The following EXD3 variants were observed in gnomAD, a reference collection of about 807,000 sequenced individuals.
EXD3 encodes exonuclease 3'-5' domain containing 3.
In EXD3, 92 loss-of-function variants were observed where a neutral mutation model predicts 98.0. The observed-to-expected ratio is 0.94, with a 90% CI of 0.79 to 1.12. The LOEUF (loss-of-function observed/expected upper bound fraction) is 1.12, where lower values mean the gene tolerates loss of function less well. Ranked by LOEUF, EXD3 falls within the 50% of genes most tolerant of loss-of-function variation. The pLI is 0.00. For missense variants in EXD3, 1,222 were observed against 1,191.6 expected, an observed-to-expected ratio of 1.03 and a Z score of -0.38; for synonymous variants, 569 against 526.0, an observed-to-expected ratio of 1.08 and a Z score of -1.12.
intron 10 of EXD3, chr9:137,353,452 G>A: frequency 1.0e-6 from 1 of 985,330 alleles, no homozygotes; most frequent in South Asian, 4.7e-5. Context: ...TCCTCATTAT[G>A]TGGGGTTTGG....
At chr9:137,345,340 C>T (rs1157267638) in intron 17 of EXD3, among the ~76,000 whole-genome samples, 2 of 152,152 alleles carry the variant, frequency 1.3e-5, no homozygotes, top group African/African-American at 4.8e-5. Context: ...ACTCATTTCT[C>T]CAGGAGTCTT....
At chr9:137,414,880 T>C (rs918506754) in intron 1 of EXD3, among the ~76,000 whole-genome samples, 4 of 152,174 alleles carry the variant, frequency 2.6e-5, no homozygotes, top group Admixed American at 2.0e-4. Context: ...GTTTTTGAGA[T>C]GGAGTCTCGC....
Position 137,349,250 on chromosome 9 carries a change from G to C in EXD3, c.1690C>G (p.Gln564Glu), listed in dbSNP as rs745514907. 1.2e-5 allele frequency: 19 copies of C among 1,573,572 alleles called. No homozygotes were observed. In the East Asian group the frequency reaches 4.4e-4, roughly 36 times the overall value. The change falls in exon 16 of 22, where the codon CAA becomes GAA. Residue 564 changes from glutamine to glutamate, a missense_variant. Transcript: ENST00000340951. This position sits in a 1 kb window ranked among gnomAD's most constrained non-coding sequence, Gnocchi z 7.4. ...ADAYCLLEVH[Q>E]ALCREPARFH... ...CGGGCGGGCTCTCTGCACAGGGCTT[G>C]GTGCACCTCCAGCAGGCAGTAGGCG...
chr9:137,355,694 G>GAGAA (rs1834723403), intron 8 of EXD3, among the ~76,000 whole-genome samples: 2 of 42,642 alleles, frequency 4.7e-5, no homozygotes, highest in Non-Finnish European at 1.1e-4. Context: ...AAGGAGAAAG[G>GAGAA]GAGGAAGGAG....
intron 10 of EXD3, chr9:137,353,220 C>T: frequency 2.0e-6 from 2 of 983,940 alleles, no homozygotes; most frequent in Non-Finnish European, 1.2e-6. Flanking sequence ...CAAGCCTCCA[C>T]TGACCTTTCC....
intron 1 of EXD3, among the ~76,000 whole-genome samples, chr9:137,413,978 GCC>G (rs1588442886): frequency 6.8e-6 from 1 of 148,014 alleles, no homozygotes; most frequent in East Asian, 2.0e-4. Flanking sequence ...GTGCAGTGGT[GCC>G]ATCTCGGCTC....
intron 19 of EXD3, among the ~76,000 whole-genome samples, chr9:137,317,323 C>T (rs771051091): frequency 3.2e-4 from 48 of 152,174 alleles, no homozygotes; most frequent in Non-Finnish European, 5.9e-4. Context: ...TGGCCATGGC[C>T]GGTCCCTCCT....
chr9:137,399,910 C>T (rs747748287), intron 1 of EXD3, among the ~76,000 whole-genome samples: 26 of 151,928 alleles, frequency 1.7e-4, no homozygotes, highest in Non-Finnish European at 3.2e-4. Context: ...GGTGGTGGTG[C>T]CTCCCAGGTA....
In EXD3 at chr9:137,397,570, CAG is replaced by C. The variant is rs542012173; in HGVS notation, c.-47-2168_-47-2167del. 4.6e-5 allele frequency among the ~76,000 whole-genome samples: 7 copies of C among 152,250 alleles called. No homozygotes were observed. The South Asian group carries it at 1.5e-3, about 32-fold the overall frequency. ...TAAACAAGTGGAAAAACACAAAAAA[CAG>C]AGAACAGAAAGCAACTTCGAGGAAG... is the stretch of plus-strand genomic sequence containing the variant. On this transcript the variant is annotated intron_variant, in intron 1 of 21. Transcript: ENST00000340951.
Position 137,351,110 on chromosome 9 carries a change from C to G in EXD3, c.1422G>C (p.Thr474=). Reference sequence around the variant, plus strand: ...CCACATGGGCCAGGGCGGGGCAGGACGTGCCCAGTTTTTGCAGGTCCCCCA... The same window carrying G: ...CCACATGGGCCAGGGCGGGGCAGGAGGTGCCCAGTTTTTGCAGGTCCCCCA... ...GMVGDLQKLG[T]SCPALAHVEK... is the part of the protein sequence containing the mutation. The change falls in exon 14 of 22, where the codon ACG becomes ACC. Residue 474 remains threonine, a synonymous_variant. Transcript: ENST00000340951. 6.3e-7 allele frequency: 1 copy of G among 1,584,046 alleles called. No homozygotes were observed. The highest frequency in any genetic ancestry group is 1.2e-5 in the South Asian group (1 of 86,652).
At position 137,306,903 on chromosome 9, in the gene EXD3, AT is replaced by A; in HGVS notation, c.*46del. ...GAAACATGTGAGCCAGTCCACGGCCATGGGCCCAGCAGTCGGGCACTTTCCA... is the reference window on the plus strand; with the variant it reads ...GAAACATGTGAGCCAGTCCACGGCCAGGGCCCAGCAGTCGGGCACTTTCCA... On this transcript the variant is annotated 3_prime_UTR_variant, in exon 22 of 22. Coordinates refer to ENST00000340951, the MANE Select transcript of EXD3 (RefSeq NM_017820.5). 1 of 1,513,762 alleles carries A rather than the reference AT, an allele frequency of 6.6e-7. No individual in the cohort carries two copies. The highest frequency in any genetic ancestry group is 8.8e-7 in the Non-Finnish European group (1 of 1,132,318). The allele number at this position is 1,513,762 out of a possible 1,614,324, so 93.8% of individuals were successfully genotyped here.
Position 137,403,269 on chromosome 9 carries a change from AG to A in EXD3, c.-47-7866del, listed in dbSNP as rs898206643. On this transcript the variant is annotated intron_variant, in intron 1 of 21. Coordinates refer to ENST00000340951, the MANE Select transcript of EXD3 (RefSeq NM_017820.5). This position sits in a 1 kb window ranked among gnomAD's most constrained non-coding sequence, Gnocchi z 6.1. ...GTGGGGCCCCACTGTGAGTGACCTG[AG>A]GGGCCCCAGAAGATGCAGACCCGAA... Among the ~76,000 whole-genome samples, 4 of 151,894 alleles carry A rather than the reference AG, an allele frequency of 2.6e-5. No individual in the cohort carries two copies. The highest frequency in any genetic ancestry group is 9.7e-5 in the African/African-American group (4 of 41,404).
intron 7 of EXD3, 37 bp from the exon 8 acceptor site, chr9:137,356,405 T>C (rs1330044665): frequency 3.8e-6 from 5 of 1,301,108 alleles, no homozygotes; most frequent in Non-Finnish European, 5.4e-6. Context: ...TGTTGCTGTT[T>C]TAAGTTAATA....
intron 1 of EXD3, among the ~76,000 whole-genome samples, chr9:137,411,137 G>A (rs1008550757): frequency 2.6e-5 from 4 of 152,214 alleles, no homozygotes; most frequent in East Asian, 1.9e-4. Flanking sequence ...CTGAGGCCCC[G>A]AGGCCGGCCC....
At chr9:137,308,380 TCTGGCCCCTCCCTGG>T (rs1448688584) in intron 20 of EXD3, among the ~76,000 whole-genome samples, 2 of 152,108 alleles carry the variant, frequency 1.3e-5, no homozygotes, top group African/African-American at 4.8e-5. Flanking sequence ...ATGACCCTCA[TCTGGCCCCTCCCTGG>T]CTGGCCCCAG....
chr9:137,335,279 G>A (rs1001014602), intron 17 of EXD3, among the ~76,000 whole-genome samples: 56 of 152,070 alleles, frequency 3.7e-4, no homozygotes, highest in African/African-American at 1.3e-3. Context: ...AAGATATACA[G>A]ATACGCAGCA....
rs570736654 is a variant in EXD3, at chr9:137,385,634, C to T, written c.56-2257G>A. ...CACTGCAACCTCCACCTCTCAGGTT[C>T]GTGATTCTCGTGCCTCAGCCTCCGG... On this transcript the variant is annotated intron_variant, in intron 2 of 21. Coordinates refer to ENST00000340951, the MANE Select transcript of EXD3 (RefSeq NM_017820.5). This position sits in a 1 kb window ranked among gnomAD's most constrained non-coding sequence, Gnocchi z 4.4. Among the ~76,000 whole-genome samples, 4 of 152,236 alleles carry T rather than the reference C, an allele frequency of 2.6e-5. No homozygotes were observed. The highest frequency in any genetic ancestry group is 4.8e-5 in the African/African-American group (2 of 41,568).
In EXD3 at chr9:137,385,025, G is replaced by A. The variant is rs1836512585; in HGVS notation, c.56-1648C>T. ...GAGAACAGCATGAACCCGGGAGGCGGAGGTCGCAGTGAGCCGAGATCGGGC... is the reference window on the plus strand; with the variant it reads ...GAGAACAGCATGAACCCGGGAGGCGAAGGTCGCAGTGAGCCGAGATCGGGC... On this transcript the variant is annotated intron_variant, in intron 2 of 21. Transcript: ENST00000340951. The surrounding 1 kb of genome is among the most constrained non-coding windows in gnomAD (Gnocchi z 4.4). Among the ~76,000 whole-genome samples the A allele has an allele frequency of 6.6e-6, 1 of 152,158 alleles. No individual in the cohort carries two copies. The highest frequency in any genetic ancestry group is 1.5e-5 in the Non-Finnish European group (1 of 68,042).
chr9:137,327,903 G>A (rs1832540563), intron 17 of EXD3, among the ~76,000 whole-genome samples: 1 of 137,492 alleles, frequency 7.3e-6, no homozygotes. Flanking sequence ...CACATGATGA[G>A]TAAAAACAAC....
Sources: allele counts gnomAD v4.1 joint callset (sites outside exome capture counted in the v4.1 genomes callset), GRCh38; gene constraint gnomAD v4.1.1; non-coding constraint Gnocchi (gnomAD v3.1); transcripts MANE v1.5; gene names NCBI Gene and HGNC (gene_info 2026-07-23, HGNC 2026-07-21).